HTATSF1: variants seen among roughly 807,000 people sequenced by gnomAD.
HTATSF1 encodes 17S U2 SnRNP complex component HTATSF1.
HTATSF1 carries 6 observed loss-of-function variants against 46.1 expected under a neutral mutation model. The ratio of observed to expected loss-of-function variants is 0.13; its 90% CI spans 0.07 to 0.26. The LOEUF (loss-of-function observed/expected upper bound fraction) is 0.26, where lower values mean the gene tolerates loss of function less well. Among genes scored for constraint, HTATSF1 ranks in the 10% least tolerant of loss-of-function variants. HTATSF1 has a pLI of 1.00. For missense variants in HTATSF1, 452 were observed against 559.9 expected, an observed-to-expected ratio of 0.81 and a Z score of 1.94; for synonymous variants, 226 against 211.5, an observed-to-expected ratio of 1.07 and a Z score of -0.60.
Position 136,502,903 on chromosome X carries a change from G to A in HTATSF1, c.696G>A (p.Lys232=). Residue 232 remains lysine (K), a synonymous_variant, in exon 5 of 9, where the codon AAG becomes AAA. Transcript: ENST00000218364. Reference sequence around the variant, plus strand: ...ATGATGCCTCAAAGAAGAAGAAGAAGTGCAAAGACTATAAGAAGAAGCTGT... The same window carrying A: ...ATGATGCCTCAAAGAAGAAGAAGAAATGCAAAGACTATAAGAAGAAGCTGT... ...GEYDASKKKK[K]CKDYKKKLSM... The A allele has an allele frequency of 8.7e-7, 1 of 1,147,735 alleles. No homozygotes were observed. Among genetic ancestry groups the A allele is most frequent in the East Asian group, 3.2e-5 (1 of 31,266 alleles). 94.6% of individuals were successfully genotyped at this position (1,147,735 alleles called of 1,213,427 possible).
Position 136,511,907 on chromosome X carries a change from C to T in HTATSF1, c.2162C>T (p.Ser721Phe), listed in dbSNP as rs762305079. 1 of 1,211,643 alleles carries T rather than the reference C, an allele frequency of 8.3e-7. No homozygotes were observed. The highest frequency in any genetic ancestry group is 1.8e-5 in the South Asian group (1 of 56,979). Reference sequence around the variant, plus strand: ...TCCAGTGAGAAGTTGTTTGACGATTCTGATGAGAGGGGGACTTTGGGTGGT... The same window carrying T: ...TCCAGTGAGAAGTTGTTTGACGATTTTGATGAGAGGGGGACTTTGGGTGGT... ...EDSSEKLFDD[S>F]DERGTLGGFG... Residue 721 changes from serine (S) to phenylalanine (F), a missense_variant, in exon 9 of 9, where the codon TCT becomes TTT. Transcript: ENST00000218364.
At position 136,497,678 on chromosome X, in the gene HTATSF1, A is replaced by G. The variant is rs376141627; in HGVS notation, c.-7A>G. 36 of 1,183,513 alleles carry G rather than the reference A, an allele frequency of 3.0e-5. No homozygotes were observed. Among genetic ancestry groups the G allele is most frequent in the Non-Finnish European group, 4.1e-5 (36 of 875,570 alleles). On this transcript the variant is annotated 5_prime_UTR_variant, in exon 1 of 9. Transcript: ENST00000218364. ...TCTGAACCCTGCTCCTGAGCTAGGTAGGAAACATGAGCGGCACCAACTTGG... is the reference window on the plus strand; with the variant it reads ...TCTGAACCCTGCTCCTGAGCTAGGTGGGAAACATGAGCGGCACCAACTTGG...
In HTATSF1 at chrX:136,501,863, A is replaced by G. The variant is rs186019011; in HGVS notation, c.571-915A>G. The stretch of plus-strand genomic sequence containing the variant: ...AAATGTAAGGAGATTTGAGGGTTTT[A>G]TAAGTTCTTTAAGGATTATTAAAAA... On this transcript the variant is annotated intron_variant, in intron 4 of 8. Transcript: ENST00000218364. Among the ~76,000 whole-genome samples the G allele has an allele frequency of 4.4e-3, 492 of 112,022 alleles. 1 individual carries two copies. Among genetic ancestry groups the G allele is most frequent in the Non-Finnish European group, 6.9e-3 (368 of 53,139 alleles).
At chrX:136,510,331 CT>C in intron 8 of HTATSF1, 112 bp downstream of exon 8, 2 of 537,538 alleles carry the variant, frequency 3.7e-6, no homozygotes, top group Non-Finnish European at 5.5e-6. Context: ...AACAATGCTT[CT>C]TTTATTTTTA....
chrX:136,500,224 A>G lies in HTATSF1; in HGVS notation c.415+19A>G. On this transcript the variant is annotated intron_variant, in intron 3 of 8. Transcript: ENST00000218364. ...GTGTCTGGTATGTATAACTTTTTAA[A>G]CAGGTTTAAGGTAGGAAATACTTAA... 2.9e-6 allele frequency: 3 copies of G among 1,029,659 alleles called. No homozygotes were observed. Among genetic ancestry groups the G allele is most frequent in the Non-Finnish European group, 4.1e-6 (3 of 737,980 alleles). 84.9% of individuals were successfully genotyped at this position (1,029,659 alleles called of 1,213,427 possible). A position where few individuals can be genotyped will look rare whatever the true frequency, so the allele number is the denominator to read the frequency against.
At position 136,511,608 on chromosome X, in the gene HTATSF1, C is replaced by G; in HGVS notation, c.1863C>G (p.Asp621Glu). 8.3e-7 allele frequency: 1 copy of G among 1,209,830 alleles called. No individual in the cohort carries two copies. Among genetic ancestry groups the G allele is most frequent in the Non-Finnish European group, 1.1e-6 (1 of 894,601 alleles). ...AGGAAGGCTCTGAGAGAGAGTTTGA[C>G]GAAGATTCAGATGAAAAGGAAGAAG... ...LDEEGSEREF[D>E]EDSDEKEEEE... The change falls in exon 9 of 9, where the codon GAC becomes GAG. Residue 621 changes from aspartate (D) to glutamate (E), a missense_variant. Asp to Glu is a conservative substitution (Grantham distance 45, BLOSUM62 2). Around this residue, in one of 3 missense-constraint regions of HTATSF1, gnomAD observed 246 missense variants for 245.3 expected, o/e 1.00. Transcript: ENST00000218364.
At chrX:136,507,783 T>G (rs2075749202) in intron 6 of HTATSF1, among the ~76,000 whole-genome samples, 1 of 111,537 alleles carries the variant, frequency 9.0e-6, no homozygotes, top group Admixed American at 9.5e-5. Flanking sequence ...GAATATTGGC[T>G]TTGTACAAAA....
Position 136,511,424 on chromosome X carries a change from G to A in HTATSF1, c.1679G>A (p.Gly560Asp), listed in dbSNP as rs1050284922. Residue 560 changes from glycine (G) to aspartate (D), a missense_variant, in exon 9 of 9, where the codon GGC (glycine) becomes GAC (aspartate). By Grantham distance (94) the Gly-to-Asp change is moderately conservative. Coordinates refer to ENST00000218364, the MANE Select transcript of HTATSF1 (RefSeq NM_014500.5). ...TGCTCTGAAAAACAGTCTGAAGATG[G>A]CTCCGAAAGAGAATTTGAAGAAAAT... ...EDCSEKQSED[G>D]SEREFEENGL... The A allele has an allele frequency of 8.3e-6, 10 of 1,209,333 alleles. No homozygotes were observed. The highest frequency in any genetic ancestry group is 1.0e-5 in the Non-Finnish European group (9 of 895,019).
Position 136,509,117 on chromosome X carries a change from C to G in HTATSF1, c.861C>G (p.Ile287Met). The stretch of plus-strand genomic sequence containing the variant: ...ATGATCCGTTGGTGCTGAATGAGAT[C>G]AGAGAAGACCTTCGAGTAGAGTGTT... ...FEDDPLVLNE[I>M]REDLRVECSK... The change falls in exon 7 of 9, where the codon ATC becomes ATG. Residue 287 changes from isoleucine (I) to methionine (M), a missense_variant. This residue lies in a region of HTATSF1 where 117 missense variants were observed against 222.2 expected (regional missense o/e 0.53). Coordinates refer to ENST00000218364, the MANE Select transcript of HTATSF1 (RefSeq NM_014500.5). 8.3e-7 allele frequency: 1 copy of G among 1,207,796 alleles called. No individual in the cohort carries two copies. Among genetic ancestry groups the G allele is most frequent in the Non-Finnish European group, 1.1e-6 (1 of 892,007 alleles).
intron 3 of HTATSF1, among the ~76,000 whole-genome samples, 180 bp from the exon 4 acceptor site, chrX:136,500,483 AT>A (rs1326713572): frequency 8.9e-6 from 1 of 112,266 alleles, no homozygotes; most frequent in African/African-American, 3.2e-5. Flanking sequence ...CATAATTTTA[AT>A]GTATATTTGA....
At chrX:136,506,013 C>G (rs2075740614) in intron 6 of HTATSF1, among the ~76,000 whole-genome samples, 1 of 111,781 alleles carries the variant, frequency 8.9e-6, no homozygotes, top group Admixed American at 9.5e-5. Flanking sequence ...CTCCTGCCAC[C>G]CAAGTGTGAA....
chrX:136,504,758 T>G (rs2075734321), intron 6 of HTATSF1, among the ~76,000 whole-genome samples: 3 of 112,031 alleles, frequency 2.7e-5, no homozygotes, highest in Admixed American at 1.9e-4. Flanking sequence ...ATCAAAAGAT[T>G]TATGGGAACT....
intron 6 of HTATSF1, among the ~76,000 whole-genome samples, chrX:136,506,750 T>A (rs2075744117): frequency 2.7e-5 from 3 of 112,314 alleles, no homozygotes; most frequent in African/African-American, 9.7e-5. Context: ...CTTCCTGGCC[T>A]CACATGGTCC....
In HTATSF1 at chrX:136,497,606, C is replaced by T. The variant is rs768701972; in HGVS notation, c.-79C>T. 2.1e-4 allele frequency: 184 copies of T among 893,958 alleles called. 1 individual carries two copies. In the Middle Eastern group the frequency reaches 4.5e-3, roughly 22 times the overall value. The allele number at this position is 893,958 out of a possible 1,213,427, so 73.7% of individuals were successfully genotyped here. ...GGGGCGCGAGCAGAGCGCGGTTGAC[C>T]TCCCTTTCTCTGCTCAGCTCCAGCG... On this transcript the variant is annotated 5_prime_UTR_variant, in exon 1 of 9. Coordinates refer to ENST00000218364, the MANE Select transcript of HTATSF1 (RefSeq NM_014500.5).
intron 6 of HTATSF1, 84 bp from the exon 7 acceptor site, chrX:136,509,007 G>T: frequency 1.5e-6 from 1 of 676,282 alleles, no homozygotes; most frequent in African/African-American, 2.1e-5. Flanking sequence ...TCTGTTTGTT[G>T]ATTTATCAGA....
At chrX:136,508,687 TACA>T (rs925350750) in intron 6 of HTATSF1, among the ~76,000 whole-genome samples, 2 of 112,501 alleles carry the variant, frequency 1.8e-5, no homozygotes, top group African/African-American at 3.2e-5. Context: ...CTCTCTCCAT[TACA>T]ACATTTCTGT....
rs1236592723 is a variant in HTATSF1 at position 136,511,798 on chromosome X, G to A, written c.2053G>A (p.Asp685Asn). The change falls in exon 9 of 9, where the codon GAT (aspartate) becomes AAT (asparagine). Residue 685 changes from aspartate to asparagine, a missense_variant. Asp to Asn is a conservative substitution (Grantham distance 23). This residue lies in a region of HTATSF1 where 246 missense variants were observed against 245.3 expected (regional missense o/e 1.00). Transcript: ENST00000218364. ...ESDDKEDEDA[D>N]GKEVEDADEK... ...AGATGACAAGGAAGATGAAGATGCAGATGGAAAGGAAGTTGAAGATGCTGA... is the reference window on the plus strand; with the variant it reads ...AGATGACAAGGAAGATGAAGATGCAAATGGAAAGGAAGTTGAAGATGCTGA... 9.1e-6 allele frequency: 11 copies of A among 1,210,118 alleles called. No homozygotes were observed. Among genetic ancestry groups the A allele is most frequent in the African/African-American group, 8.7e-5 (5 of 57,216 alleles).
chrX:136,500,279 G>A (rs2075712261), intron 3 of HTATSF1, 74 bp downstream of exon 3: 4 of 691,655 alleles, frequency 5.8e-6, no homozygotes, highest in Non-Finnish European at 9.0e-6. Context: ...GTGATTTTTA[G>A]CTTTCAGTTT....
intron 4 of HTATSF1, 104 bp from the exon 5 acceptor site, chrX:136,502,674 A>G (rs1266367566): frequency 3.1e-6 from 1 of 323,509 alleles, no homozygotes; most frequent in Non-Finnish European, 5.0e-6. Context: ...ATATATAAAT[A>G]TAAGAATTTA....
Sources: gnomAD v4.1 joint callset for allele counts (sites outside exome capture counted in the v4.1 genomes callset) on GRCh38, gnomAD v4.1.1 for gene constraint, gnomAD v4.1.1 regional missense constraint, MANE v1.5 for transcripts, NCBI Gene and HGNC (gene_info 2026-07-23, HGNC 2026-07-21) for gene names.